RNGTT: variants seen among roughly 807,000 people sequenced by gnomAD.
RNGTT encodes RNA guanylyltransferase and 5'-phosphatase, also known as mRNA-capping enzyme.
Under a neutral mutation model 79.3 loss-of-function variants are expected in RNGTT, and 33 were observed. That is an observed-to-expected ratio of 0.42 (90% CI 0.32 to 0.56). The LOEUF (loss-of-function observed/expected upper bound fraction) is 0.56. Ranked by LOEUF, RNGTT falls within the 20% of genes least tolerant of loss-of-function variation. The pLI, the probability that RNGTT is intolerant of heterozygous loss-of-function variation, is 0.17. For synonymous variants in RNGTT, 222 were observed against 235.9 expected (o/e 0.94, Z 0.54); for missense variants, 497 against 739.1 (o/e 0.67, Z 3.80).
chr6:88,827,732 G>A (rs116579750), intron 11 of RNGTT, among the ~76,000 whole-genome samples: 412 of 152,234 alleles, frequency 2.7e-3, no homozygotes, highest in African/African-American at 9.5e-3. Context: ...TTACCAAGGC[G>A]TGAGTAGGTG....
intron 1 of RNGTT, 42 bp downstream of exon 1, chr6:88,963,304 C>T (rs548081052): frequency 1.2e-5 from 19 of 1,605,698 alleles, no homozygotes; most frequent in Non-Finnish European, 1.6e-5. Context: ...CCCCCGGGCA[C>T]GTTGGAGTGT....
At chr6:88,920,461 C>G (rs1444275648) in intron 4 of RNGTT, among the ~76,000 whole-genome samples, 7 of 151,978 alleles carry the variant, frequency 4.6e-5, no homozygotes, top group African/African-American at 1.5e-4. Flanking sequence ...ATGAGATATA[C>G]ATGAAATATG....
rs1352240726 is a variant in RNGTT at position 88,913,228 on chromosome 6, A to C, written c.368-6788T>G. 3.5e-3 allele frequency among the ~76,000 whole-genome samples: 458 copies of C among 129,804 alleles called. 7 individuals are homozygous for C. Among genetic ancestry groups the C allele is most frequent in the African/African-American group, 0.013 (441 of 33,602 alleles). 85.2% of individuals were successfully genotyped at this position (129,804 alleles called of 152,430 possible). A position where few individuals can be genotyped will look rare whatever the true frequency, so the allele number is the denominator to read the frequency against. ...TCAAAAAAAAACAAAAAAAAAAAAC[A>C]AAAAAAAAAAAGCCCTAGACCAGAT... On this transcript the variant is annotated intron_variant, in intron 4 of 15. Coordinates refer to ENST00000369485, the MANE Select transcript of RNGTT (RefSeq NM_003800.5).
chr6:88,961,567 G>A (rs1482287558), intron 1 of RNGTT, among the ~76,000 whole-genome samples: 8 of 152,134 alleles, frequency 5.3e-5, no homozygotes, highest in African/African-American at 1.9e-4. Flanking sequence ...CTCCCGAGTA[G>A]CTGGGATTAC....
chr6:88,722,122 A>G (rs898751413), intron 13 of RNGTT, among the ~76,000 whole-genome samples: 1 of 151,126 alleles, frequency 6.6e-6, no homozygotes, highest in Non-Finnish European at 1.5e-5. Context: ...TATACCAAGG[A>G]AAAAACAATT....
At position 88,743,511 on chromosome 6, in the gene RNGTT, C is replaced by G. The variant is rs9444642; in HGVS notation, c.1439+26263G>C. On this transcript the variant is annotated intron_variant, in intron 13 of 15. Transcript: ENST00000369485. ...TCCCATTCCCCACTCCCTCCAGCCC[C>G]TGGTGACCACCATTCTACTTCCTGT... is the stretch of plus-strand genomic sequence containing the variant. Among the ~76,000 whole-genome samples, 1,166 of 152,246 alleles carry G rather than the reference C, an allele frequency of 7.7e-3. 8 individuals are homozygous for G. The highest frequency in any genetic ancestry group is 0.026 in the African/African-American group (1,081 of 41,532).
chr6:88,643,623 G>A (rs996438364), intron 14 of RNGTT, among the ~76,000 whole-genome samples: 1 of 152,164 alleles, frequency 6.6e-6, no homozygotes, highest in Non-Finnish European at 1.5e-5. Flanking sequence ...CTCAGCAAAT[G>A]TAAAAGAACA....
Position 88,612,489 on chromosome 6 carries a change from G to T in RNGTT, c.*230C>A. ...TTCAGATTCCACAAGGTAAGGCTGA[G>T]TTTATCAGATAAATAAGATGTTTAA... On this transcript the variant is annotated 3_prime_UTR_variant, in exon 16 of 16. Transcript: ENST00000369485. 2.3e-6 allele frequency: 1 copy of T among 432,854 alleles called. No individual in the cohort carries two copies. Among genetic ancestry groups the T allele is most frequent in the Non-Finnish European group, 4.1e-6 (1 of 241,952 alleles). 26.8% of individuals were successfully genotyped at this position (432,854 alleles called of 1,614,324 possible). A position where few individuals can be genotyped will look rare whatever the true frequency, so the allele number is the denominator to read the frequency against.
At chr6:88,919,390 T>C (rs539109860) in intron 4 of RNGTT, among the ~76,000 whole-genome samples, 69 of 152,188 alleles carry the variant, frequency 4.5e-4, no homozygotes, top group Non-Finnish European at 9.1e-4. Flanking sequence ...CCCCAACAAA[T>C]AGACAGAGAG....
At chr6:88,871,095 T>C (rs767658461) in intron 8 of RNGTT, among the ~76,000 whole-genome samples, 10 of 152,180 alleles carry the variant, frequency 6.6e-5, no homozygotes, top group East Asian at 1.9e-4. Context: ...AGAAAATGTA[T>C]GCATATTTCC....
rs187749610 is a variant in RNGTT at position 88,837,587 on chromosome 6, G to T, written c.1269+6770C>A. On this transcript the variant is annotated intron_variant, in intron 11 of 15. Transcript: ENST00000369485. ...TTTAAAAAAGTTAGAAAAAAAAACT[G>T]GGCAGTACAATTTTTAAAATAATAT... Among the ~76,000 whole-genome samples, 84 of 151,914 alleles carry T rather than the reference G, an allele frequency of 5.5e-4. No individual in the cohort carries two copies. The East Asian group carries it at 0.016, about 29-fold the overall frequency.
chr6:88,937,769 T>C (rs1440469838), intron 2 of RNGTT, among the ~76,000 whole-genome samples: 1 of 152,244 alleles, frequency 6.6e-6, no homozygotes, highest in Non-Finnish European at 1.5e-5. Context: ...TCAAGAGGTT[T>C]ATTTCCACCT....
chr6:88,811,689 T>A (rs1319030587), intron 11 of RNGTT, among the ~76,000 whole-genome samples: 3 of 152,184 alleles, frequency 2.0e-5, no homozygotes, highest in African/African-American at 7.2e-5. Flanking sequence ...GAAATACGAA[T>A]TGGCAATATC....
chr6:88,706,897 A>G lies in RNGTT; in HGVS notation c.1440-28478T>C, dbSNP rs75096714. Among the ~76,000 whole-genome samples, 188 of 152,320 alleles carry G rather than the reference A, an allele frequency of 1.2e-3. No homozygotes were observed. In the East Asian group the frequency reaches 0.032, roughly 26 times the overall value. On this transcript the variant is annotated intron_variant, in intron 13 of 15. Coordinates refer to ENST00000369485, the MANE Select transcript of RNGTT (RefSeq NM_003800.5). ...TAAAACTAAATAATACCAAACTGGT[A>G]TATATTTAGGTCTGCCAATCCTTCA...
intron 9 of RNGTT, 27 bp downstream of exon 9, chr6:88,853,602 T>A: frequency 6.9e-7 from 1 of 1,442,388 alleles, no homozygotes; most frequent in South Asian, 1.3e-5. Context: ...AATGTTTAAT[T>A]TTATAGTATA....
In RNGTT at chr6:88,616,902, T is replaced by G. The variant is rs1008772988; in HGVS notation, c.1507-2507A>C. ...TAAGTTTTTAACTTTGATGTAGTCC[T>G]CTTTGTCTATTTTTTATTTTGTTGC... On this transcript the variant is annotated intron_variant, in intron 14 of 15. Coordinates refer to ENST00000369485, the MANE Select transcript of RNGTT (RefSeq NM_003800.5). Among the ~76,000 whole-genome samples, 3 of 152,254 alleles carry G rather than the reference T, an allele frequency of 2.0e-5. No homozygotes were observed. The South Asian group carries it at 6.2e-4, about 32-fold the overall frequency.
rs1041394268 is a variant in RNGTT, at chr6:88,768,174, C to CT, written c.1439+1599dup. On this transcript the variant is annotated intron_variant, in intron 13 of 15. Transcript: ENST00000369485. The stretch of plus-strand genomic sequence containing the variant: ...TGTGTGTGTGTGTTTCTTTTTCTTT[C>CT]TTTTTTTTTTGAGACAGAGACTTGC... 6.2e-3 allele frequency among the ~76,000 whole-genome samples: 856 copies of CT among 137,090 alleles called. 8 individuals are homozygous for CT. The highest frequency in any genetic ancestry group is 0.021 in the Middle Eastern group (5 of 240). 89.9% of individuals were successfully genotyped at this position (137,090 alleles called of 152,430 possible). A position where few individuals can be genotyped will look rare whatever the true frequency, so the allele number is the denominator to read the frequency against.
intron 13 of RNGTT, among the ~76,000 whole-genome samples, chr6:88,749,591 G>A (rs1438253693): frequency 2.0e-5 from 3 of 152,048 alleles, no homozygotes. Flanking sequence ...TTAATTAAGT[G>A]TAAATGGATG....
intron 1 of RNGTT, among the ~76,000 whole-genome samples, chr6:88,955,413 G>A (rs1177249867): frequency 6.6e-6 from 1 of 151,986 alleles, no homozygotes; most frequent in Non-Finnish European, 1.5e-5. Flanking sequence ...AGCCAGGCAT[G>A]GTGGCGGGCG....
Sources: allele counts gnomAD v4.1 joint callset (sites outside exome capture counted in the v4.1 genomes callset), GRCh38; gene constraint gnomAD v4.1.1; transcripts MANE v1.5; gene names NCBI Gene and HGNC (gene_info 2026-07-23, HGNC 2026-07-21).